NRXN1: variants seen among roughly 807,000 people sequenced by gnomAD.
The protein encoded by NRXN1 is neurexin-1.
In NRXN1, 39 loss-of-function variants were observed where a neutral mutation model predicts 150.9. The ratio of observed to expected loss-of-function variants is 0.26; its 90% CI spans 0.20 to 0.34. The LOEUF is 0.34. Ranked by LOEUF, NRXN1 falls within the 10% of genes least tolerant of loss-of-function variation. The probability of loss-of-function intolerance (pLI) is 1.00; values close to 1 mark genes in which losing one functional copy is unlikely to be tolerated. For synonymous variants in NRXN1, 924 were observed against 757.0 expected (o/e 1.22, Z -3.62); for missense variants, 1,815 against 1,949.9 (o/e 0.93, Z 1.30).
chr2:50,409,013 C>A (rs545434593), intron 17 of NRXN1, among the ~76,000 whole-genome samples: 19 of 152,088 alleles, frequency 1.2e-4, no homozygotes, highest in Non-Finnish European at 2.2e-4. Context: ...GAGTGGCATT[C>A]TGGTTGATCC....
chr2:50,804,868 A>G (rs1667307611), intron 5 of NRXN1, among the ~76,000 whole-genome samples: 1 of 152,156 alleles, frequency 6.6e-6, no homozygotes, highest in South Asian at 2.1e-4. Flanking sequence ...CTTTTATATC[A>G]GTAGTTGTTA....
intron 2 of NRXN1, among the ~76,000 whole-genome samples, chr2:50,929,244 A>T (rs1207795569): frequency 6.6e-6 from 1 of 152,132 alleles, no homozygotes; most frequent in East Asian, 1.9e-4. Flanking sequence ...ACAAATGAAT[A>T]CAAAAACAAA....
intron 5 of NRXN1, among the ~76,000 whole-genome samples, chr2:50,757,121 A>G (rs1026334664): frequency 2.0e-5 from 3 of 151,910 alleles, no homozygotes; most frequent in Non-Finnish European, 4.4e-5. Context: ...GAGTATGTGG[A>G]GACAAATAGT....
At chr2:50,350,614 T>A (rs778554993) in intron 17 of NRXN1, among the ~76,000 whole-genome samples, 26 of 152,184 alleles carry the variant, frequency 1.7e-4, no homozygotes, top group Non-Finnish European at 2.9e-4. Flanking sequence ...TAGGAATGGA[T>A]AAGGCTGGGA....
At chr2:50,026,190 G>C (rs757828144) in intron 21 of NRXN1, among the ~76,000 whole-genome samples, 1 of 152,140 alleles carries the variant, frequency 6.6e-6, no homozygotes, top group Non-Finnish European at 1.5e-5. Flanking sequence ...GTCTACAAGA[G>C]TAGAAAAAAT....
rs201748361 is a variant in NRXN1 at position 50,665,809 on chromosome 2, G to GA, written c.833-42195dup. ...TCTGGATTATGCAGTGTAGAACTGT[G>GA]AAAAAAAGGTGAAAACCTGCTTTCT... On this transcript the variant is annotated intron_variant, in intron 5 of 22. Coordinates refer to ENST00000401669, the MANE Select transcript of NRXN1 (RefSeq NM_001330078.2). 6.5e-3 allele frequency among the ~76,000 whole-genome samples: 992 copies of GA among 151,822 alleles called. 8 individuals are homozygous for GA. The highest frequency in any genetic ancestry group is 0.02 in the Middle Eastern group (6 of 294).
intron 9 of NRXN1, among the ~76,000 whole-genome samples, chr2:50,550,373 C>A (rs1424889639): frequency 1.3e-5 from 2 of 152,138 alleles, no homozygotes; most frequent in South Asian, 2.1e-4. Flanking sequence ...CTATTTTTGG[C>A]ATGTTTTGTT....
At chr2:50,583,544 T>C (rs1463237871) in intron 8 of NRXN1, among the ~76,000 whole-genome samples, 1 of 152,192 alleles carries the variant, frequency 6.6e-6, no homozygotes, top group Non-Finnish European at 1.5e-5. Flanking sequence ...GGTTAGAGAC[T>C]ACATCATGTT....
intron 10 of NRXN1, among the ~76,000 whole-genome samples, chr2:50,532,248 G>C (rs1255811185): frequency 6.6e-6 from 1 of 152,044 alleles, no homozygotes; most frequent in African/African-American, 2.4e-5. Context: ...GGTACTGCCA[G>C]AAGGTTTCTC....
At chr2:50,714,710 G>C (rs902461243) in intron 5 of NRXN1, among the ~76,000 whole-genome samples, 2 of 152,070 alleles carry the variant, frequency 1.3e-5, no homozygotes, top group African/African-American at 4.8e-5. Context: ...GTGCTAAATT[G>C]TACTACCAAA....
chr2:50,439,442 C>A (rs2085728254), intron 17 of NRXN1, among the ~76,000 whole-genome samples: 1 of 152,136 alleles, frequency 6.6e-6, no homozygotes. Flanking sequence ...CAGTGTTATA[C>A]ATGCAGTAGC....
chr2:50,254,031 T>C (rs913003975), intron 17 of NRXN1, among the ~76,000 whole-genome samples: 1 of 151,930 alleles, frequency 6.6e-6, no homozygotes, highest in Admixed American at 6.6e-5. Flanking sequence ...TCAGCTGTAA[T>C]TCCATCTGGT....
chr2:50,647,597 T>C (rs980920433), intron 5 of NRXN1, among the ~76,000 whole-genome samples: 8 of 151,934 alleles, frequency 5.3e-5, no homozygotes, highest in African/African-American at 1.9e-4. Flanking sequence ...TGGCAACTCA[T>C]ATAAAGACCC....
chr2:50,635,066 C>T (rs1303677422), intron 5 of NRXN1, among the ~76,000 whole-genome samples: 1 of 152,146 alleles, frequency 6.6e-6, no homozygotes, highest in Non-Finnish European at 1.5e-5. Flanking sequence ...GTAATACCGG[C>T]TAGGTGGCTC....
chr2:50,513,171 C>T (rs575086973), intron 12 of NRXN1, among the ~76,000 whole-genome samples: 1 of 152,234 alleles, frequency 6.6e-6, no homozygotes, highest in African/African-American at 2.4e-5. Flanking sequence ...GTGTTTGGTG[C>T]TTTGCACTTT....
chr2:50,114,083 G>C (rs1702719932), intron 18 of NRXN1, among the ~76,000 whole-genome samples: 1 of 152,036 alleles, frequency 6.6e-6, no homozygotes. Context: ...CAGACTGGGA[G>C]AAACTATTTG....
chr2:50,178,211 C>T (rs1432905872), intron 18 of NRXN1, among the ~76,000 whole-genome samples: 5 of 151,968 alleles, frequency 3.3e-5, no homozygotes, highest in Admixed American at 3.3e-4. Context: ...AACAACTTGG[C>T]CAGCTAGCCC....
At chr2:49,956,987 G>A (rs1036421098) in intron 21 of NRXN1, among the ~76,000 whole-genome samples, 1 of 152,118 alleles carries the variant, frequency 6.6e-6, no homozygotes, top group Non-Finnish European at 1.5e-5. Context: ...TCCTAAGAGA[G>A]GTGAGTTGGA....
chr2:49,924,846 T>C (rs926673545), intron 22 of NRXN1, among the ~76,000 whole-genome samples: 2 of 152,246 alleles, frequency 1.3e-5, no homozygotes, highest in African/African-American at 4.8e-5. Context: ...ATTAAAATTT[T>C]AATAACCATC....
Sources: allele counts gnomAD v4.1 joint callset (sites outside exome capture counted in the v4.1 genomes callset), GRCh38; gene constraint gnomAD v4.1.1; transcripts MANE v1.5; gene names NCBI Gene and HGNC (gene_info 2026-07-23, HGNC 2026-07-21).